Variants in UIMC1 observed in about 807,000 individuals in gnomAD.
UIMC1 encodes the protein ubiquitin interaction motif containing 1.
Under a neutral mutation model 84.9 loss-of-function variants are expected in UIMC1, and 42 were observed. That is an observed-to-expected ratio of 0.49 (90% CI 0.39 to 0.64). UIMC1 has a LOEUF of 0.64. Among genes scored for constraint, UIMC1 ranks in the 30% least tolerant of loss-of-function variants. The pLI, the probability that UIMC1 is intolerant of heterozygous loss-of-function variation, is 0.00. For missense variants in UIMC1, 825 were observed against 847.6 expected, an observed-to-expected ratio of 0.97 and a Z score of 0.33; for synonymous variants, 281 against 293.0, an observed-to-expected ratio of 0.96 and a Z score of 0.42.
At chr5:176,959,939 G>A (rs1031435440) in intron 6 of UIMC1, among the ~76,000 whole-genome samples, 1 of 152,112 alleles carries the variant, frequency 6.6e-6, no homozygotes, top group Non-Finnish European at 1.5e-5. Flanking sequence ...GCTGAGACAG[G>A]AGAATCGCTT....
intron 10 of UIMC1, among the ~76,000 whole-genome samples, chr5:176,920,919 T>C (rs922106447): frequency 6.6e-6 from 1 of 152,252 alleles, no homozygotes; most frequent in Admixed American, 6.5e-5. Flanking sequence ...GAGTTTTTCA[T>C]AGACGCCCTC....
chr5:176,910,644 A>C (rs1760011293), intron 11 of UIMC1, among the ~76,000 whole-genome samples: 1 of 152,220 alleles, frequency 6.6e-6, no homozygotes, highest in African/African-American at 2.4e-5. Context: ...AAAATGCTCA[A>C]TGCTTCCCAA....
At chr5:176,912,544 C>G (rs1760372249) in intron 10 of UIMC1, among the ~76,000 whole-genome samples, 1 of 151,136 alleles carries the variant, frequency 6.6e-6, no homozygotes, top group South Asian at 2.1e-4. Flanking sequence ...GCAATCTCAG[C>G]TCACTGCAAC....
chr5:176,960,178 AAT>A (rs1767168067), intron 6 of UIMC1, among the ~76,000 whole-genome samples: 1 of 152,238 alleles, frequency 6.6e-6, no homozygotes, highest in African/African-American at 2.4e-5. Context: ...CGAGAGGTTA[AAT>A]AATTTGCCCT....
At chr5:177,013,271 G>A (rs1775595961) in intron 1 of UIMC1, among the ~76,000 whole-genome samples, 1 of 151,734 alleles carries the variant, frequency 6.6e-6, no homozygotes, top group Non-Finnish European at 1.5e-5. Flanking sequence ...TGAGGCAGGA[G>A]AATCGCTTGA....
intron 1 of UIMC1, chr5:177,002,198 G>A (rs1774622084): frequency 6.6e-6 from 1 of 152,056 alleles, no homozygotes. Flanking sequence ...AGAAGGCTGA[G>A]GAGAAGGGAT....
At position 176,951,485 on chromosome 5, in the gene UIMC1, C is replaced by T. The variant is rs760052387; in HGVS notation, c.1432G>A (p.Ala478Thr). 3 of 1,538,864 alleles carry T rather than the reference C, an allele frequency of 1.9e-6. No individual in the cohort carries two copies. Among genetic ancestry groups the T allele is most frequent in the South Asian group, 2.6e-5 (2 of 75,646 alleles). The change falls in exon 9 of 15, where the codon GCA becomes ACA. Residue 478 changes from alanine to threonine, a missense_variant. Ala to Thr is a moderately conservative substitution (Grantham distance 58, BLOSUM62 0). Transcript: ENST00000511320. Reference sequence around the variant, plus strand: ...AGGAAAATATTCACCTCCTTATCTGCCATTATTATTCTGACTCCATCCAAG... The same window carrying T: ...AGGAAAATATTCACCTCCTTATCTGTCATTATTATTCTGACTCCATCCAAG... ...DILDGVRIIM[A>T]DKEVGNKEDA...
rs191139752 is a variant in UIMC1, at chr5:176,955,852, A to C, written c.1339+107T>G. 249 of 1,016,498 alleles carry C rather than the reference A, an allele frequency of 2.4e-4. 1 individual carries two copies. The highest frequency in any genetic ancestry group is 1.9e-5 in the Non-Finnish European group (13 of 670,798). The allele number at this position is 1,016,498 out of a possible 1,614,324, so 63.0% of individuals were successfully genotyped here. A position where few individuals can be genotyped will look rare whatever the true frequency, so the allele number is the denominator to read the frequency against. On this transcript the variant is annotated intron_variant, in intron 8 of 14. Coordinates refer to ENST00000511320, the MANE Select transcript of UIMC1 (RefSeq NM_001199298.2). ...AGACATGTACATACACGTATCAATT[A>C]CATACAAACCTCCAGAGAGTAGGTT...
intron 7 of UIMC1, among the ~76,000 whole-genome samples, 198 bp from the exon 8 acceptor site, chr5:176,956,233 A>G (rs972022438): frequency 4.6e-5 from 7 of 152,250 alleles, no homozygotes; most frequent in Middle Eastern, 3.2e-3. Flanking sequence ...TATGCTTACA[A>G]CTTCAGTTCC....
chr5:177,000,865 A>AC (rs1357473898), intron 1 of UIMC1, among the ~76,000 whole-genome samples: 1 of 151,696 alleles, frequency 6.6e-6, no homozygotes, highest in African/African-American at 2.4e-5. Flanking sequence ...GGATTATTAG[A>AC]TTTTTTTTCC....
At chr5:176,932,915 T>C (rs544251360) in intron 10 of UIMC1, among the ~76,000 whole-genome samples, 10 of 151,512 alleles carry the variant, frequency 6.6e-5, no homozygotes, top group Non-Finnish European at 1.2e-4. Context: ...CAATGACTTC[T>C]TTATCCTTTC....
intron 1 of UIMC1, among the ~76,000 whole-genome samples, chr5:177,016,649 G>A (rs1321029849): frequency 6.6e-6 from 1 of 151,258 alleles, no homozygotes; most frequent in Non-Finnish European, 1.5e-5. Context: ...CGAGGTTGCA[G>A]TGAGCCGAGA....
intron 14 of UIMC1, 88 bp from the exon 15 acceptor site, chr5:176,905,580 T>A: frequency 8.4e-7 from 1 of 1,194,130 alleles, no homozygotes; most frequent in Non-Finnish European, 1.2e-6. Flanking sequence ...ATTTTACATA[T>A]CAGGGGATTA....
rs1319157423 is a variant in UIMC1 at position 176,977,593 on chromosome 5, A to G, written c.148-2113T>C. 4.7e-5 allele frequency among the ~76,000 whole-genome samples: 7 copies of G among 148,572 alleles called. 1 individual carries two copies. Among genetic ancestry groups the G allele is most frequent in the Admixed American group, 2.7e-4 (4 of 15,056 alleles). On this transcript the variant is annotated intron_variant, in intron 2 of 14. Coordinates refer to ENST00000511320, the MANE Select transcript of UIMC1 (RefSeq NM_001199298.2). ...GCAAGACTCCATCTCAAAAAAAAAA[A>G]AAAAGAAAAGAAAAAAAAAAACAGA... is the stretch of plus-strand genomic sequence containing the variant.
At chr5:176,937,471 C>G (rs552596529) in intron 10 of UIMC1, among the ~76,000 whole-genome samples, 1 of 151,900 alleles carries the variant, frequency 6.6e-6, no homozygotes, top group African/African-American at 2.4e-5. Context: ...CCAGCCTGGG[C>G]GACAGAGCAA....
chr5:176,920,841 A>G (rs1761615919), intron 10 of UIMC1, among the ~76,000 whole-genome samples: 1 of 152,186 alleles, frequency 6.6e-6, no homozygotes, highest in African/African-American at 2.4e-5. Flanking sequence ...AAGAATGAAC[A>G]TCCTTGTCTT....
intron 1 of UIMC1, among the ~76,000 whole-genome samples, chr5:177,016,420 G>A (rs541632445): frequency 1.1e-4 from 17 of 152,220 alleles, no homozygotes; most frequent in South Asian, 4.1e-4. Flanking sequence ...GGCTGGGCAC[G>A]GTGGCTCATG....
intron 10 of UIMC1, among the ~76,000 whole-genome samples, chr5:176,932,823 T>A (rs1327991402): frequency 6.6e-6 from 1 of 151,056 alleles, no homozygotes; most frequent in East Asian, 1.9e-4. Flanking sequence ...CTTCATTCTA[T>A]CTCTAGCTTC....
intron 10 of UIMC1, among the ~76,000 whole-genome samples, chr5:176,939,121 G>A (rs1020916120): frequency 3.3e-5 from 5 of 151,772 alleles, no homozygotes; most frequent in African/African-American, 1.2e-4. Flanking sequence ...GCCAGGCGGG[G>A]TGGTGTGTGC....
Sources: allele counts gnomAD v4.1 joint callset (sites outside exome capture counted in the v4.1 genomes callset), GRCh38; gene constraint gnomAD v4.1.1; transcripts MANE v1.5; gene names NCBI Gene and HGNC (gene_info 2026-07-23, HGNC 2026-07-21).